Variants in PRMT7 observed in about 807,000 individuals in gnomAD.
PRMT7 encodes protein arginine N-methyltransferase 7.
PRMT7 carries 75 observed loss-of-function variants against 85.4 expected under a neutral mutation model. That is an observed-to-expected ratio of 0.88 (90% CI 0.73 to 1.06). The LOEUF is 1.06. PRMT7 is among the 50% of genes least tolerant of loss of function. PRMT7 has a pLI of 0.00. For synonymous variants in PRMT7, 397 were observed against 359.5 expected (o/e 1.10, Z -1.18); for missense variants, 868 against 915.2 (o/e 0.95, Z 0.67).
intron 3 of PRMT7, chr16:68,318,818 CCACAGTGT>C (rs2082166764): frequency 6.6e-6 from 1 of 152,302 alleles, no homozygotes; most frequent in Non-Finnish European, 1.5e-5. Flanking sequence ...CAGGTGTGAG[CCACAGTGT>C]CAGGCCTGGA....
chr16:68,313,138 GA>G (rs1461298559), intron 2 of PRMT7, among the ~76,000 whole-genome samples: 1 of 152,134 alleles, frequency 6.6e-6, no homozygotes, highest in Non-Finnish European at 1.5e-5. Flanking sequence ...TCCAGGTTTT[GA>G]AAAGACACTG....
At chr16:68,325,445 C>G (rs2082992203) in intron 5 of PRMT7, among the ~76,000 whole-genome samples, 1 of 152,032 alleles carries the variant, frequency 6.6e-6, no homozygotes, top group African/African-American at 2.4e-5. Context: ...TACATGCCCC[C>G]ACACCACCAC....
chr16:68,315,580 C>G (rs942203401), intron 2 of PRMT7: 15 of 269,150 alleles, frequency 5.6e-5, no homozygotes, highest in Admixed American at 2.8e-4. Flanking sequence ...AGGGCTGCAC[C>G]TAGATGAACT....
chr16:68,340,720 A>G (rs578153613), intron 9 of PRMT7, among the ~76,000 whole-genome samples: 6 of 152,364 alleles, frequency 3.9e-5, no homozygotes, highest in African/African-American at 1.4e-4. Context: ...AGTCATCAGA[A>G]CGTTTCAGGT....
intron 4 of PRMT7, chr16:68,324,425 A>C: frequency 2.0e-6 from 1 of 504,852 alleles, no homozygotes; most frequent in South Asian, 2.2e-5. Flanking sequence ...AAAAAGGAGA[A>C]CATGGTTTGC....
At position 68,346,253 on chromosome 16, in the gene PRMT7, TG is replaced by T; in HGVS notation, c.1165del (p.Asp389IlefsTer7). On this transcript the variant is annotated frameshift_variant, in exon 11 of 19. Transcript: ENST00000441236. LOFTEE classifies it high-confidence loss of function. ...GAGAGATCAATGACCAGGACAGAAC[TG>T]ATCGATACGTCCAGGCTCTGAGGAC... ...FGEINDQDRT[D>X]RYVQALRTVL... 1 of 1,614,178 alleles carries T rather than the reference TG, an allele frequency of 6.2e-7. No homozygotes were observed. The highest frequency in any genetic ancestry group is 8.5e-7 in the Non-Finnish European group (1 of 1,179,994).
Position 68,339,337 on chromosome 16 carries a change from G to T in PRMT7, c.520G>T (p.Val174Leu). ...RHLVEENCEA[V>L]PHRATVYAQL... is the part of the protein sequence containing the mutation. ...ATAAACTTAGGAAAATTGTGAGGCC[G>T]TGCCCCACAGAGCCACCGTCTATGC... Residue 174 changes from valine (V) to leucine (L), a missense_variant, in exon 8 of 19, where the codon GTG becomes TTG. Coordinates refer to ENST00000441236, the MANE Select transcript of PRMT7 (RefSeq NM_019023.5). 2 of 1,614,020 alleles carry T rather than the reference G, an allele frequency of 1.2e-6. No individual in the cohort carries two copies. The highest frequency in any genetic ancestry group is 2.2e-5 in the South Asian group (2 of 91,074).
Position 68,316,048 on chromosome 16 carries a change from C to T in PRMT7, c.69C>T (p.His23=), listed in dbSNP as rs775142570. The change falls in exon 3 of 19, where the codon CAC becomes CAT. Residue 23 remains histidine, a synonymous_variant. Coordinates refer to ENST00000441236, the MANE Select transcript of PRMT7 (RefSeq NM_019023.5). ...GSVEWLEEDE[H]YDYHQEIARS... is the part of the protein sequence containing the mutation. ...TGGAGTGGCTGGAGGAGGATGAACA[C>T]TATGATTACCACCAGGAGATTGCAA... is the stretch of plus-strand genomic sequence containing the variant. The T allele has an allele frequency of 8.1e-6, 13 of 1,613,576 alleles. No individual in the cohort carries two copies. The highest frequency in any genetic ancestry group is 2.2e-5 in the East Asian group (1 of 44,884).
At chr16:68,360,766 T>A (rs1434515445), downstream of PRMT7, 2 of 165,206 alleles carry the variant, frequency 1.2e-5, no homozygotes, top group Non-Finnish European at 2.6e-5. Flanking sequence ...GAGCAAGGGG[T>A]CTGTGGCTAC....
At chr16:68,349,620 A>G (rs571135218) in intron 14 of PRMT7, among the ~76,000 whole-genome samples, 51 of 152,262 alleles carry the variant, frequency 3.3e-4, no homozygotes, top group African/African-American at 1.2e-3. Context: ...CAGGCCCGAC[A>G]TGGTGGCACA....
downstream of PRMT7, chr16:68,360,131 C>CG (rs1032936589): frequency 1.4e-4 from 22 of 152,736 alleles, no homozygotes; most frequent in African/African-American, 3.8e-4. Flanking sequence ...CAGCCCCACC[C>CG]GGGGGGCAGG....
chr16:68,322,373 T>C (rs1445076462), intron 4 of PRMT7: 1 of 448,524 alleles, frequency 2.2e-6, no homozygotes, highest in African/African-American at 2.0e-5. Flanking sequence ...AATTTTTGTA[T>C]GTTTTGTAGA....
downstream of PRMT7, chr16:68,359,879 G>A (rs1035111101): frequency 7.1e-6 from 1 of 140,426 alleles, no homozygotes; most frequent in African/African-American, 2.7e-5. Context: ...GGCATCTTGG[G>A]GCTGGAGGCA....
chr16:68,334,983 G>C (rs2084446138), intron 6 of PRMT7, among the ~76,000 whole-genome samples: 1 of 151,998 alleles, frequency 6.6e-6, no homozygotes, highest in African/African-American at 2.4e-5. Context: ...TTTTAGTAGA[G>C]ACAAGGTTTC....
At position 68,358,563 on chromosome 16, in the gene PRMT7, TAA is replaced by T. The variant is rs1188780711; in HGVS notation, c.*1344_*1345del. 6.6e-6 allele frequency: 1 copy of T among 152,566 alleles called. No individual in the cohort carries two copies. Among genetic ancestry groups the T allele is most frequent in the African/African-American group, 2.4e-5 (1 of 41,428 alleles). The allele number at this position is 152,566 out of a possible 1,614,324, so 9.5% of individuals were successfully genotyped here. A position where few individuals can be genotyped will look rare whatever the true frequency, so the allele number is the denominator to read the frequency against. Reference sequence around the variant, plus strand: ...ACAATACAGAAAAAAATACAGAAATTAAAAAAGTTTTTATAACAGTATTTCTA... The same window carrying T: ...ACAATACAGAAAAAAATACAGAAATTAAAAGTTTTTATAACAGTATTTCTA... On this transcript the variant is annotated 3_prime_UTR_variant, in exon 19 of 19. Coordinates refer to ENST00000441236, the MANE Select transcript of PRMT7 (RefSeq NM_019023.5).
rs562331659 is a variant in PRMT7 at position 68,351,148 on chromosome 16, G to A, written c.1414-1100G>A. Among the ~76,000 whole-genome samples, 8 of 152,328 alleles carry A rather than the reference G, an allele frequency of 5.3e-5. No individual in the cohort carries two copies. The South Asian group carries it at 8.3e-4, about 16-fold the overall frequency. On this transcript the variant is annotated intron_variant, in intron 14 of 18. Transcript: ENST00000441236. ...TTGAATTGGAGTGGTGGGAGCGGGC[G>A]TTCTTGCCATGTTCCTGATGCTGTG...
chr16:68,357,171 C>T lies in PRMT7; in HGVS notation c.2026C>T (p.Pro676Ser). 6.2e-7 allele frequency: 1 copy of T among 1,613,956 alleles called. No individual in the cohort carries two copies. The highest frequency in any genetic ancestry group is 8.5e-7 in the Non-Finnish European group (1 of 1,179,986). Residue 676 changes from proline (P) to serine (S), a missense_variant, in exon 19 of 19, where the codon CCC becomes TCC. Pro to Ser is a moderately conservative substitution (Grantham distance 74). Transcript: ENST00000441236. ...RTVSYAVEFH[P>S]DTGDIIMEFR... is the part of the protein sequence containing the mutation. ...TGTCAGCTATGCAGTGGAGTTTCAC[C>T]CCGACACAGGCGACATCATCATGGA...
intron 6 of PRMT7, among the ~76,000 whole-genome samples, chr16:68,330,009 T>C (rs1031147581): frequency 1.3e-5 from 2 of 151,980 alleles, no homozygotes; most frequent in Non-Finnish European, 1.5e-5. Context: ...TTCTCCTGCC[T>C]CAGCCTCCCA....
At chr16:68,348,505 C>T (rs1158176482) in intron 14 of PRMT7, 74 bp downstream of exon 14, 2 of 1,204,716 alleles carry the variant, frequency 1.7e-6, no homozygotes, top group Admixed American at 2.1e-5. Context: ...TAGCCCAGGC[C>T]CCACCCTGTC....
Sources: gnomAD v4.1 joint callset for allele counts (sites outside exome capture counted in the v4.1 genomes callset) on GRCh38, gnomAD v4.1.1 for gene constraint, MANE v1.5 for transcripts, NCBI Gene and HGNC (gene_info 2026-07-23, HGNC 2026-07-21) for gene names.